NEK1: variants seen among roughly 807,000 people sequenced by gnomAD.
The protein encoded by NEK1 is serine/threonine-protein kinase Nek1.
In NEK1, 137 loss-of-function variants were observed where a neutral mutation model predicts 182.1. The ratio of observed to expected loss-of-function variants is 0.75; its 90% CI spans 0.65 to 0.87. The LOEUF is 0.87. NEK1 is among the 40% of genes least tolerant of loss of function. The probability of loss-of-function intolerance (pLI) is 0.00; values close to 1 mark genes in which losing one functional copy is unlikely to be tolerated. For missense variants in NEK1, 1,391 were observed against 1,494.4 expected (o/e 0.93, Z 1.14); for synonymous variants, 513 against 492.2 (o/e 1.04, Z -0.56).
chr4:169,466,932 A>G (rs181194689), intron 26 of NEK1, among the ~76,000 whole-genome samples: 69 of 152,192 alleles, frequency 4.5e-4, no homozygotes, highest in African/African-American at 1.5e-3. Flanking sequence ...CAAAGTTCTG[A>G]GATGCCAGGG....
intron 29 of NEK1, among the ~76,000 whole-genome samples, chr4:169,431,272 A>G (rs964549734): frequency 3.4e-5 from 5 of 148,536 alleles, no homozygotes; most frequent in Non-Finnish European, 1.5e-5. Flanking sequence ...CCACAAGAGT[A>G]TTATACTTGT....
At chr4:169,468,422 T>G (rs1488178039) in intron 26 of NEK1, among the ~76,000 whole-genome samples, 4 of 152,154 alleles carry the variant, frequency 2.6e-5, no homozygotes, top group African/African-American at 9.7e-5. Flanking sequence ...CAGCATTTGT[T>G]AAAAACCAGT....
chr4:169,451,662 T>A (rs2149468244), intron 27 of NEK1, among the ~76,000 whole-genome samples: 1 of 152,300 alleles, frequency 6.6e-6, no homozygotes, highest in South Asian at 2.1e-4. Context: ...TTTATAGCAC[T>A]AAATGCCCAC....
chr4:169,590,982 T>A (rs886556726), intron 5 of NEK1, among the ~76,000 whole-genome samples, 173 bp from the exon 6 acceptor site: 3 of 152,198 alleles, frequency 2.0e-5, no homozygotes, highest in Non-Finnish European at 4.4e-5. Context: ...GCTCTGCACA[T>A]ACTAAATCCA....
rs529638031 is a variant in NEK1 at position 169,608,478 on chromosome 4, T to C, written c.-49+3542A>G. Reference sequence around the variant, plus strand: ...TGAAATGTAAGAAATAAAAGCATAATAGTAATAAAATAAAACATGGGAGAA... The same window carrying C: ...TGAAATGTAAGAAATAAAAGCATAACAGTAATAAAATAAAACATGGGAGAA... On this transcript the variant is annotated intron_variant, in intron 2 of 35. Coordinates refer to ENST00000507142, the MANE Select transcript of NEK1 (RefSeq NM_001199397.3). 2.0e-5 allele frequency among the ~76,000 whole-genome samples: 3 copies of C among 152,272 alleles called. No individual in the cohort carries two copies. The East Asian group carries it at 5.8e-4, about 29-fold the overall frequency.
intron 23 of NEK1, among the ~76,000 whole-genome samples, chr4:169,502,490 T>C (rs767840241): frequency 3.3e-5 from 5 of 152,030 alleles, no homozygotes; most frequent in Non-Finnish European, 7.4e-5. Context: ...CTCTATAAAA[T>C]ATTAGCAAAC....
At chr4:169,407,442 C>T (rs1319485058) in intron 31 of NEK1, among the ~76,000 whole-genome samples, 1 of 152,152 alleles carries the variant, frequency 6.6e-6, no homozygotes, top group Non-Finnish European at 1.5e-5. Flanking sequence ...GAACCTTTCT[C>T]ACTAGAACAG....
chr4:169,506,269 C>T (rs72974717), intron 23 of NEK1, among the ~76,000 whole-genome samples: 29,387 of 151,826 alleles, frequency 0.19, 4,271 homozygotes, highest in African/African-American at 0.41. Flanking sequence ...GACAGAGTAA[C>T]AGAGCAAAGG....
chr4:169,464,601 T>C (rs12233903), intron 26 of NEK1, among the ~76,000 whole-genome samples: 29,705 of 151,954 alleles, frequency 0.2, 4,402 homozygotes, highest in African/African-American at 0.42. Context: ...AGATTTTGGA[T>C]TAGAAATGCT....
intron 11 of NEK1, among the ~76,000 whole-genome samples, chr4:169,578,011 G>A (rs1425296761): frequency 6.6e-6 from 1 of 151,994 alleles, no homozygotes; most frequent in East Asian, 1.9e-4. Flanking sequence ...ATATAAATTG[G>A]TTACACTTTC....
chr4:169,542,740 G>C (rs1014661947), intron 18 of NEK1, among the ~76,000 whole-genome samples: 3 of 151,162 alleles, frequency 2.0e-5, no homozygotes, highest in African/African-American at 7.3e-5. Flanking sequence ...CATTTCTTTA[G>C]TGACCAGTGA....
chr4:169,589,873 G>A, intron 6 of NEK1, among the ~76,000 whole-genome samples: 1 of 151,932 alleles, frequency 6.6e-6, no homozygotes, highest in East Asian at 1.9e-4. Context: ...TGCATCAAAG[G>A]ACACCATCAA....
chr4:169,513,718 G>A (rs984982580), intron 19 of NEK1, among the ~76,000 whole-genome samples: 16 of 151,938 alleles, frequency 1.1e-4, no homozygotes, highest in African/African-American at 3.6e-4. Context: ...CCTATTGTGA[G>A]GTTCAGAACA....
intron 31 of NEK1, among the ~76,000 whole-genome samples, chr4:169,422,517 C>T (rs1329233583): frequency 6.6e-6 from 1 of 152,140 alleles, no homozygotes; most frequent in Non-Finnish European, 1.5e-5. Flanking sequence ...AGTAGTATAA[C>T]TTAACATTTG....
At position 169,479,361 on chromosome 4, in the gene NEK1, A is replaced by G. The variant is rs200420908; in HGVS notation, c.2139+42T>C. Reference sequence around the variant, plus strand: ...CATTAAATTTAATTTCCTTTTAAATAATCTTTTGACTTTGAGGAGTTCTGA... The same window carrying G: ...CATTAAATTTAATTTCCTTTTAAATGATCTTTTGACTTTGAGGAGTTCTGA... On this transcript the variant is annotated intron_variant, in intron 24 of 35. Coordinates refer to ENST00000507142, the MANE Select transcript of NEK1 (RefSeq NM_001199397.3). The G allele has an allele frequency of 1.1e-5, 17 of 1,555,120 alleles. No individual in the cohort carries two copies. In the African/African-American group the frequency reaches 1.8e-4, roughly 16 times the overall value.
At chr4:169,437,980 A>C in intron 28 of NEK1, 103 bp downstream of exon 28, 17 of 870,920 alleles carry the variant, frequency 2.0e-5, no homozygotes, top group Non-Finnish European at 2.6e-5. Flanking sequence ...ATTTGAGATA[A>C]TTACCCAAAC....
rs753918010 is a variant in NEK1, at chr4:169,555,729, T to A, written c.1553A>T (p.Asn518Ile). ...KRLKAVSKQA[N>I]ANRQKGQLAV... The stretch of plus-strand genomic sequence containing the variant: ...ATCATCACAGTCCAACCTGTTTGCA[T>A]TGGCTTGTTTAGACACCGCCTTCAA... The change falls in exon 18 of 36, where the codon AAT (asparagine) becomes ATT (isoleucine). Residue 518 changes from asparagine (N) to isoleucine (I), a missense_variant. Coordinates refer to ENST00000507142, the MANE Select transcript of NEK1 (RefSeq NM_001199397.3). 1 of 1,613,714 alleles carries A rather than the reference T, an allele frequency of 6.2e-7. No individual in the cohort carries two copies. The highest frequency in any genetic ancestry group is 8.5e-7 in the Non-Finnish European group (1 of 1,179,758).
chr4:169,571,205 AAT>A (rs1561437514), intron 12 of NEK1, among the ~76,000 whole-genome samples: 1 of 150,716 alleles, frequency 6.6e-6, no homozygotes, highest in African/African-American at 2.4e-5. Flanking sequence ...TAAATAAATA[AAT>A]AAATAAATAA....
chr4:169,415,840 TTTAAAGTACA>T (rs1245907858), intron 31 of NEK1, among the ~76,000 whole-genome samples: 1 of 152,302 alleles, frequency 6.6e-6, no homozygotes, highest in South Asian at 2.1e-4. Flanking sequence ...AAAAGAGCCC[TTTAAAGTACA>T]TTAAAGGAAT....
Sources: gnomAD v4.1 joint callset for allele counts (sites outside exome capture counted in the v4.1 genomes callset) on GRCh38, gnomAD v4.1.1 for gene constraint, MANE v1.5 for transcripts, NCBI Gene and HGNC (gene_info 2026-07-23, HGNC 2026-07-21) for gene names.